Variants in ANKS1B observed in about 807,000 individuals in gnomAD.
ANKS1B encodes the protein ankyrin repeat and sterile alpha motif domain containing 1B.
Under a neutral mutation model 148.3 loss-of-function variants are expected in ANKS1B, and 36 were observed. That is an observed-to-expected ratio of 0.24 (90% CI 0.19 to 0.32). ANKS1B has a LOEUF of 0.32. Among genes scored for constraint, ANKS1B ranks in the 10% least tolerant of loss-of-function variants. ANKS1B has a pLI of 1.00. For missense variants in ANKS1B, 1,157 were observed against 1,542.6 expected, an observed-to-expected ratio of 0.75 and a Z score of 4.19; for synonymous variants, 542 against 560.8, an observed-to-expected ratio of 0.97 and a Z score of 0.47.
chr12:98,851,630 A>G (rs1249363692), intron 17 of ANKS1B, among the ~76,000 whole-genome samples: 5 of 152,216 alleles, frequency 3.3e-5, no homozygotes, highest in African/African-American at 1.2e-4. Flanking sequence ...ACTTAAACAA[A>G]TTAGAAAATA....
At chr12:99,581,748 G>T (rs373449294) in intron 9 of ANKS1B, among the ~76,000 whole-genome samples, 1 of 151,636 alleles carries the variant, frequency 6.6e-6, no homozygotes, top group Non-Finnish European at 1.5e-5. Context: ...AAAATTAGCC[G>T]GGCGCGGTGG....
At chr12:99,695,012 A>T (rs1479943759) in intron 8 of ANKS1B, among the ~76,000 whole-genome samples, 1 of 152,224 alleles carries the variant, frequency 6.6e-6, no homozygotes, top group Non-Finnish European at 1.5e-5. Context: ...AATTAAAGGA[A>T]CAGGGTCTTT....
At position 98,799,014 on chromosome 12, in the gene ANKS1B, CA is replaced by C. The variant is rs760452440; in HGVS notation, c.3271-10del. On this transcript the variant is annotated splice_polypyrimidine_tract_variant and intron_variant, in intron 21 of 26. Transcript: ENST00000683438. ...AGCATAGAACCTAAATACTAAAATA[CA>C]AAAAAAATTCAATGATTTATGAAAT... The C allele has an allele frequency of 5.7e-5, 89 of 1,572,246 alleles. No individual in the cohort carries two copies. The highest frequency in any genetic ancestry group is 3.4e-4 in the Middle Eastern group (2 of 5,896).
intron 14 of ANKS1B, among the ~76,000 whole-genome samples, chr12:99,190,537 C>A (rs183658611): frequency 2.0e-5 from 3 of 152,164 alleles, no homozygotes; most frequent in Non-Finnish European, 4.4e-5. Flanking sequence ...GAAATCATAC[C>A]ACACATCTAC....
intron 17 of ANKS1B, among the ~76,000 whole-genome samples, chr12:98,988,643 T>A (rs987358359): frequency 1.3e-5 from 2 of 152,192 alleles, no homozygotes; most frequent in African/African-American, 4.8e-5. Flanking sequence ...TTAGATCACA[T>A]GGTACTTATA....
intron 8 of ANKS1B, among the ~76,000 whole-genome samples, chr12:99,658,951 G>A (rs569248614): frequency 5.9e-5 from 9 of 152,174 alleles, no homozygotes; most frequent in African/African-American, 1.7e-4. Context: ...TGTGCATAAT[G>A]AAACAATAAA....
At chr12:99,789,416 C>G (rs1480282885) in intron 4 of ANKS1B, among the ~76,000 whole-genome samples, 1 of 152,042 alleles carries the variant, frequency 6.6e-6, no homozygotes, top group Non-Finnish European at 1.5e-5. Context: ...GCCCAAACAT[C>G]AAGACCATCC....
intron 8 of ANKS1B, among the ~76,000 whole-genome samples, chr12:99,708,491 C>G (rs1262470648): frequency 6.6e-6 from 1 of 152,130 alleles, no homozygotes. Context: ...GGGCTAAAGT[C>G]AAGGTGCCAC....
intron 12 of ANKS1B, among the ~76,000 whole-genome samples, chr12:99,392,967 A>C (rs1012994401): frequency 6.6e-6 from 1 of 152,158 alleles, no homozygotes. Context: ...TATCAGCTCC[A>C]TCTTTCCAAA....
At chr12:98,785,287 T>C (rs900332743) in intron 22 of ANKS1B, among the ~76,000 whole-genome samples, 4 of 152,038 alleles carry the variant, frequency 2.6e-5, no homozygotes, top group African/African-American at 9.7e-5. Flanking sequence ...CTGGCCAACA[T>C]GGCAAAACCC....
At position 99,098,619 on chromosome 12, in the gene ANKS1B, C is replaced by CTTTTTTTTT. The variant is rs71081896; in HGVS notation, c.2527-13605_2527-13597dup. 2.6e-3 allele frequency among the ~76,000 whole-genome samples: 83 copies of CTTTTTTTTT among 32,120 alleles called. 16 individuals carry two copies. The highest frequency in any genetic ancestry group is 4.0e-3 in the African/African-American group (38 of 9,462). The allele number at this position is 32,120 out of a possible 152,430, so 21.1% of individuals were successfully genotyped here. A position where few individuals can be genotyped will look rare whatever the true frequency, so the allele number is the denominator to read the frequency against. On this transcript the variant is annotated intron_variant, in intron 15 of 26. Coordinates refer to ENST00000683438, the MANE Select transcript of ANKS1B (RefSeq NM_001352186.2). ...AATAAAGCATGCCTGCTAGGAACTACTTTTTTTTTTTTTTTTTTTTTTTTT... is the reference window on the plus strand; with the variant it reads ...AATAAAGCATGCCTGCTAGGAACTACTTTTTTTTTTTTTTTTTTTTTTTTTTTTTTTTTT...
At chr12:99,845,422 G>A (rs1336582373) in intron 1 of ANKS1B, among the ~76,000 whole-genome samples, 2 of 152,136 alleles carry the variant, frequency 1.3e-5, no homozygotes, top group East Asian at 1.9e-4. Context: ...TTTACTGAGA[G>A]TTTGTAATAT....
chr12:98,944,014 C>G (rs987241547), intron 17 of ANKS1B, among the ~76,000 whole-genome samples: 6 of 152,060 alleles, frequency 3.9e-5, no homozygotes, highest in East Asian at 1.9e-4. Context: ...TTTAAAAGAG[C>G]CTGGGCTGGG....
rs141568029 is a variant in ANKS1B at position 98,769,662 on chromosome 12, G to A, written c.3579+3380C>T. Reference sequence around the variant, plus strand: ...GGTGATATATATATATCACACACACGTATAGCTAATAAACTCAAGGGGGCA... The same window carrying A: ...GGTGATATATATATATCACACACACATATAGCTAATAAACTCAAGGGGGCA... On this transcript the variant is annotated intron_variant, in intron 25 of 26. Transcript: ENST00000683438. Among the ~76,000 whole-genome samples, 50 of 152,084 alleles carry A rather than the reference G, an allele frequency of 3.3e-4. 1 individual carries two copies. Among genetic ancestry groups the A allele is most frequent in the African/African-American group, 9.4e-4 (39 of 41,504 alleles).
At chr12:99,081,361 T>C (rs2049695804) in intron 16 of ANKS1B, among the ~76,000 whole-genome samples, 1 of 152,202 alleles carries the variant, frequency 6.6e-6, no homozygotes, top group South Asian at 2.1e-4. Context: ...TTTCTTCTCA[T>C]GACAGATGAA....
intron 15 of ANKS1B, among the ~76,000 whole-genome samples, chr12:99,100,371 C>T (rs1478252818): frequency 6.6e-6 from 1 of 152,200 alleles, no homozygotes; most frequent in East Asian, 1.9e-4. Context: ...CCTTCACTCA[C>T]ACTATCATTT....
rs1391034766 is a variant in ANKS1B at position 99,597,029 on chromosome 12, T to C, written c.1272+58038A>G. Among the ~76,000 whole-genome samples, 6 of 152,102 alleles carry C rather than the reference T, an allele frequency of 3.9e-5. No individual in the cohort carries two copies. The East Asian group carries it at 9.7e-4, about 24-fold the overall frequency. On this transcript the variant is annotated intron_variant, in intron 9 of 26. Transcript: ENST00000683438. ...ACAAACTATTTTATTGAAATGACTATGCAATTTTATATTTCTACCAACAAT... is the reference window on the plus strand; with the variant it reads ...ACAAACTATTTTATTGAAATGACTACGCAATTTTATATTTCTACCAACAAT...
At chr12:99,124,798 G>T (rs528714880) in intron 15 of ANKS1B, among the ~76,000 whole-genome samples, 5 of 152,160 alleles carry the variant, frequency 3.3e-5, no homozygotes, top group South Asian at 2.1e-4. Context: ...AGATAATGGG[G>T]GTATTGGAAG....
At chr12:99,384,012 C>T (rs2093756719) in intron 12 of ANKS1B, among the ~76,000 whole-genome samples, 1 of 152,116 alleles carries the variant, frequency 6.6e-6, no homozygotes, top group Non-Finnish European at 1.5e-5. Flanking sequence ...CTGGGCAACA[C>T]AGTGAGACCC....
Sources: allele counts gnomAD v4.1 joint callset (sites outside exome capture counted in the v4.1 genomes callset), GRCh38; gene constraint gnomAD v4.1.1; transcripts MANE v1.5; gene names NCBI Gene and HGNC (gene_info 2026-07-23, HGNC 2026-07-21).